Variants in KCP observed in about 807,000 individuals in gnomAD.
KCP encodes the protein kielin cysteine rich BMP regulator.
Under a neutral mutation model 212.7 loss-of-function variants are expected in KCP, and 194 were observed. That is an observed-to-expected ratio of 0.91 (90% CI 0.81 to 1.03). KCP has a LOEUF of 1.03. Among genes scored for constraint, KCP ranks in the 50% least tolerant of loss-of-function variants. The pLI, the probability that KCP is intolerant of heterozygous loss-of-function variation, is 0.00. For synonymous variants in KCP, 833 were observed against 865.3 expected (o/e 0.96, Z 0.65); for missense variants, 2,080 against 2,162.5 (o/e 0.96, Z 0.76).
In KCP at chr7:128,888,853, G is replaced by A; in HGVS notation, c.2512+10C>T. 6.5e-7 allele frequency: 1 copy of A among 1,547,078 alleles called. No individual in the cohort carries two copies. Among genetic ancestry groups the A allele is most frequent in the South Asian group, 1.2e-5 (1 of 83,906 alleles). ...CAGCAGGGGGAATGGAAGGGCAGGT[G>A]TGGCTCTACCCTGGCAGGTCGGGCA... On this transcript the variant is annotated intron_variant, in intron 22 of 39. Coordinates refer to ENST00000610776, the MANE Select transcript of KCP (RefSeq NM_001366122.1).
chr7:128,892,386 A>T, intron 16 of KCP, 128 bp downstream of exon 16: 1 of 711,012 alleles, frequency 1.4e-6, no homozygotes, highest in Non-Finnish European at 2.3e-6. Context: ...GAGAGTTCTA[A>T]GCTCTGAAAC....
intron 29 of KCP, among the ~76,000 whole-genome samples, chr7:128,882,478 A>G (rs6963788): frequency 0.057 from 8,640 of 152,224 alleles, 865 homozygotes; most frequent in African/African-American, 0.2. Flanking sequence ...TAATCTGTAA[A>G]AAGAGATTAA....
chr7:128,879,674 GA>G, intron 36 of KCP, 43 bp downstream of exon 36: 1 of 1,548,704 alleles, frequency 6.5e-7, no homozygotes, highest in Non-Finnish European at 8.7e-7. Context: ...CACATGGGTG[GA>G]CAGCACAGGA....
In KCP at chr7:128,876,895, A is replaced by T; in HGVS notation, c.*148T>A. 1 of 882,726 alleles carries T rather than the reference A, an allele frequency of 1.1e-6. No homozygotes were observed. The highest frequency in any genetic ancestry group is 1.7e-6 in the Non-Finnish European group (1 of 605,064). The allele number at this position is 882,726 out of a possible 1,614,324, so 54.7% of individuals were successfully genotyped here. A position where few individuals can be genotyped will look rare whatever the true frequency, so the allele number is the denominator to read the frequency against. The stretch of plus-strand genomic sequence containing the variant: ...GCAGGCCTAGAGTTTACTGCTGGTG[A>T]CTCAACATGGCGGGGGTCTTTGCAG... On this transcript the variant is annotated 3_prime_UTR_variant, in exon 40 of 40. Coordinates refer to ENST00000610776, the MANE Select transcript of KCP (RefSeq NM_001366122.1).
At chr7:128,891,127 AG>A in intron 19 of KCP, 31 bp from the exon 20 acceptor site, 1 of 1,525,304 alleles carries the variant, frequency 6.6e-7, no homozygotes, top group Non-Finnish European at 8.8e-7. Flanking sequence ...AAAGGGGCCC[AG>A]GAACAGGCCT....
intron 8 of KCP, among the ~76,000 whole-genome samples, chr7:128,897,146 C>T (rs1019947569): frequency 1.3e-5 from 2 of 152,168 alleles, no homozygotes; most frequent in African/African-American, 4.8e-5. Flanking sequence ...TATAGTGAAT[C>T]TGGTATGCTT....
chr7:128,878,448 C>T, intron 38 of KCP, 110 bp downstream of exon 38: 3 of 1,231,162 alleles, frequency 2.4e-6, no homozygotes, highest in Non-Finnish European at 3.3e-6. Context: ...AAAAGCCTAT[C>T]TTGTGTGACT....
At chr7:128,885,323 G>C (rs1554407882) in intron 26 of KCP, 53 bp from the exon 27 acceptor site, 1 of 1,490,644 alleles carries the variant, frequency 6.7e-7, no homozygotes, top group Non-Finnish European at 9.0e-7. Context: ...CTGGACATCT[G>C]CTCCTGGCCC....
Position 128,876,902 on chromosome 7 carries a change from A to T in KCP, c.*141T>A, listed in dbSNP as rs1281364765. On this transcript the variant is annotated 3_prime_UTR_variant, in exon 40 of 40. Transcript: ENST00000610776. ...TAGAGTTTACTGCTGGTGACTCAACATGGCGGGGGTCTTTGCAGGGCAGGG... is the reference window on the plus strand; with the variant it reads ...TAGAGTTTACTGCTGGTGACTCAACTTGGCGGGGGTCTTTGCAGGGCAGGG... 1.6e-5 allele frequency: 16 copies of T among 972,952 alleles called. No homozygotes were observed. The highest frequency in any genetic ancestry group is 3.4e-5 in the African/African-American group (2 of 58,206). The allele number at this position is 972,952 out of a possible 1,614,324, so 60.3% of individuals were successfully genotyped here. A position where few individuals can be genotyped will look rare whatever the true frequency, so the allele number is the denominator to read the frequency against.
chr7:128,890,548 G>A (rs1456494339), intron 20 of KCP, 35 bp from the exon 21 acceptor site: 1 of 1,514,488 alleles, frequency 6.6e-7, no homozygotes, highest in South Asian at 1.2e-5. Context: ...GGGCCGTGGG[G>A]ACTAGAGGGC....
At chr7:128,894,147 T>A in intron 9 of KCP, 53 bp downstream of exon 9, 2 of 1,509,772 alleles carry the variant, frequency 1.3e-6, no homozygotes, top group Middle Eastern at 2.1e-4. Flanking sequence ...CACCCATCAA[T>A]TTTCTCCAGG....
chr7:128,890,938 G>A lies in KCP; in HGVS notation c.2131C>T (p.Pro711Ser). 1 of 1,248,108 alleles carries A rather than the reference G, an allele frequency of 8.0e-7. No homozygotes were observed. Among genetic ancestry groups the A allele is most frequent in the Non-Finnish European group, 1.0e-6 (1 of 1,000,996 alleles). 77.3% of individuals were successfully genotyped at this position (1,248,108 alleles called of 1,614,324 possible). A position where few individuals can be genotyped will look rare whatever the true frequency, so the allele number is the denominator to read the frequency against. Reference protein sequence around the residue: ...LPCPPAPCAHPRQGPCCPSCD... With the variant: ...LPCPPAPCAHSRQGPCCPSCD... ...GAGGGGCAGCAAGGCCCCTGGCGCGGGTGCGCGCAGGGCGCGGGCGGGCAG... is the reference window on the plus strand; with the variant it reads ...GAGGGGCAGCAAGGCCCCTGGCGCGAGTGCGCGCAGGGCGCGGGCGGGCAG... The change falls in exon 20 of 40, where the codon CCG (proline) becomes TCG (serine). Residue 711 changes from proline (P) to serine (S), a missense_variant. Pro to Ser is a moderately conservative substitution (Grantham distance 74). Transcript: ENST00000610776.
chr7:128,878,671 G>C lies in KCP; in HGVS notation c.4198C>G (p.Gln1400Glu). Residue 1400 changes from glutamine (Q) to glutamate (E), a missense_variant, in exon 38 of 40, where the codon CAG (glutamine) becomes GAG (glutamate). Gln to Glu is a conservative substitution (Grantham distance 29). Coordinates refer to ENST00000610776, the MANE Select transcript of KCP (RefSeq NM_001366122.1). ...CCACAGAGCCCACAAGTCCGGCCCT[G>C]GTAGGAGCCAGGTACGCTCACCTCC... is the stretch of plus-strand genomic sequence containing the variant. ...QVEVSVPGSY[Q>E]GRTCGLCGNF... is the part of the protein sequence containing the mutation. The C allele has an allele frequency of 6.4e-7, 1 of 1,551,148 alleles. No individual in the cohort carries two copies. Among genetic ancestry groups the C allele is most frequent in the Admixed American group, 2.0e-5 (1 of 50,998 alleles).
intron 29 of KCP, 97 bp downstream of exon 29, chr7:128,883,905 G>A (rs769862015): frequency 1.4e-4 from 196 of 1,413,606 alleles, no homozygotes; most frequent in Admixed American, 3.4e-4. Flanking sequence ...GTCCACTGGA[G>A]TCAGGAAGAA....
At chr7:128,878,055 CTT>C (rs34574520) in intron 38 of KCP, among the ~76,000 whole-genome samples, 34 of 131,706 alleles carry the variant, frequency 2.6e-4, no homozygotes, top group Admixed American at 2.3e-4. Context: ...AACAAGCCTT[CTT>C]TTTTTTTTTT....
rs770836482 is a variant in KCP at position 128,879,554 on chromosome 7, T to C, written c.4114A>G (p.Thr1372Ala). 1 of 1,550,160 alleles carries C rather than the reference T, an allele frequency of 6.5e-7. No homozygotes were observed. Among genetic ancestry groups the C allele is most frequent in the South Asian group, 1.2e-5 (1 of 84,036 alleles). ...PLLYVELRGHTVILHAQPGLQ... is the reference protein window; with the variant it reads ...PLLYVELRGHAVILHAQPGLQ... The stretch of plus-strand genomic sequence containing the variant: ...CCGGGCTGGGCGTGCAGGATCACAG[T>C]GTGTCCTCGCAGCTCCACATACAGC... Residue 1372 changes from threonine (T) to alanine (A), a missense_variant, in exon 37 of 40, where the codon ACT becomes GCT. Coordinates refer to ENST00000610776, the MANE Select transcript of KCP (RefSeq NM_001366122.1).
At chr7:128,879,307 C>G in intron 37 of KCP, 1 of 570,110 alleles carries the variant, frequency 1.8e-6, no homozygotes, top group Non-Finnish European at 3.1e-6. Flanking sequence ...GAGGCTGAGC[C>G]GAGATTAGAA....
chr7:128,903,471 G>T, intron 7 of KCP: 1 of 549,906 alleles, frequency 1.8e-6, no homozygotes, highest in Non-Finnish European at 3.2e-6. Flanking sequence ...CATGATTGGG[G>T]AGCACAAAGT....
chr7:128,889,126 A>C (rs966446020), intron 21 of KCP, 87 bp from the exon 22 acceptor site: 9 of 954,356 alleles, frequency 9.4e-6, no homozygotes, highest in Non-Finnish European at 1.3e-5. Flanking sequence ...TGGGCCTGTT[A>C]TGCATCCAAG....
Sources: gnomAD v4.1 joint callset for allele counts (sites outside exome capture counted in the v4.1 genomes callset) on GRCh38, gnomAD v4.1.1 for gene constraint, MANE v1.5 for transcripts, NCBI Gene and HGNC (gene_info 2026-07-23, HGNC 2026-07-21) for gene names.